ATL3: variants seen among roughly 807,000 people sequenced by gnomAD.
ATL3 encodes the protein atlastin GTPase 3, also known as atlastin-3.
ATL3 carries 49 observed loss-of-function variants against 69.5 expected under a neutral mutation model. The observed-to-expected ratio is 0.71, with a 90% CI of 0.56 to 0.89. The LOEUF (loss-of-function observed/expected upper bound fraction) is 0.89, where lower values mean the gene tolerates loss of function less well. Ranked by LOEUF, ATL3 falls within the 40% of genes least tolerant of loss-of-function variation. The pLI is 0.00. For missense variants in ATL3, 606 were observed against 645.7 expected (o/e 0.94, Z 0.67); for synonymous variants, 214 against 224.1 (o/e 0.95, Z 0.40).
chr11:63,631,461 C>T lies in ATL3; in HGVS notation c.1118G>A (p.Gly373Glu). ...GTCTGGAGACAAATAAGGTTTCTCT[C>T]CCCCACAAACCTAAAAAGAACAAAG... ...YYNNMEEVCG[G>E]EKPYLSPDIL... Residue 373 changes from glycine (G) to glutamate (E), a missense_variant, in exon 12 of 13, where the codon GGA (glycine) becomes GAA (glutamate). By Grantham distance (98) the Gly-to-Glu change is moderately conservative (BLOSUM62 -2). Coordinates refer to ENST00000398868, the MANE Select transcript of ATL3 (RefSeq NM_015459.5). 6.3e-7 allele frequency: 1 copy of T among 1,595,154 alleles called. No individual in the cohort carries two copies. Among genetic ancestry groups the T allele is most frequent in the South Asian group, 1.1e-5 (1 of 88,118 alleles).
chr11:63,639,826 A>G (rs1260976809), intron 8 of ATL3, among the ~76,000 whole-genome samples: 2 of 152,190 alleles, frequency 1.3e-5, no homozygotes, highest in Non-Finnish European at 2.9e-5. Flanking sequence ...TTTTTTTTAA[A>G]TAAATAGGAT....
intron 1 of ATL3, among the ~76,000 whole-genome samples, chr11:63,662,911 G>A (rs1215728623): frequency 1.3e-5 from 2 of 152,178 alleles, no homozygotes; most frequent in East Asian, 3.9e-4. Flanking sequence ...GACATAGTAA[G>A]TAAAGCTTAG....
rs374063230 is a variant in ATL3 at position 63,628,952 on chromosome 11, G to A, written c.*367C>T. On this transcript the variant is annotated 3_prime_UTR_variant, in exon 13 of 13. Transcript: ENST00000398868. The stretch of plus-strand genomic sequence containing the variant: ...GGTTATCCTCCATCCCCTCCCCATC[G>A]TGTGTGCAAAACCATGGAATCAATC... 2.1e-5 allele frequency: 4 copies of A among 187,564 alleles called. No homozygotes were observed. Among genetic ancestry groups the A allele is most frequent in the East Asian group, 1.3e-4 (1 of 7,836 alleles). The allele number at this position is 187,564 out of a possible 1,614,324, so 11.6% of individuals were successfully genotyped here. A position where few individuals can be genotyped will look rare whatever the true frequency, so the allele number is the denominator to read the frequency against.
chr11:63,642,851 T>G (rs1425088597), intron 8 of ATL3, among the ~76,000 whole-genome samples: 1 of 152,198 alleles, frequency 6.6e-6, no homozygotes, highest in Non-Finnish European at 1.5e-5. Flanking sequence ...ACTCAAGGCC[T>G]TAATGAAAAA....
intron 8 of ATL3, 119 bp from the exon 9 acceptor site, chr11:63,636,453 G>A: frequency 1.5e-6 from 2 of 1,376,742 alleles, no homozygotes; most frequent in South Asian, 2.7e-5. Flanking sequence ...AAAAGTGAGA[G>A]AGAAGCCGGG....
intron 1 of ATL3, 29 bp downstream of exon 1, chr11:63,671,261 G>C: frequency 6.4e-7 from 1 of 1,564,988 alleles, no homozygotes; most frequent in Non-Finnish European, 8.6e-7. Context: ...GGTGGCCGCG[G>C]GGCGATCCAG....
At chr11:63,669,585 A>G (rs1940709253) in intron 1 of ATL3, among the ~76,000 whole-genome samples, 1 of 152,094 alleles carries the variant, frequency 6.6e-6, no homozygotes, top group South Asian at 2.1e-4. Flanking sequence ...AGTACACAAC[A>G]CCACATCTAT....
chr11:63,671,192 G>C, intron 1 of ATL3, 98 bp downstream of exon 1: 14 of 1,453,894 alleles, frequency 9.6e-6, no homozygotes, highest in East Asian at 2.9e-5. Flanking sequence ...CCCGGGACGA[G>C]GAAGGGCGGC....
chr11:63,645,993 A>G (rs1419911668), intron 6 of ATL3, among the ~76,000 whole-genome samples: 1 of 151,834 alleles, frequency 6.6e-6, no homozygotes, highest in Admixed American at 6.6e-5. Context: ...CGAACTCTTG[A>G]CCTCAGGTGA....
chr11:63,667,747 G>C (rs1940619652), intron 1 of ATL3, among the ~76,000 whole-genome samples: 1 of 147,528 alleles, frequency 6.8e-6, no homozygotes, highest in African/African-American at 2.5e-5. Context: ...CTGGGTGACA[G>C]AGCGAGACTC....
intron 1 of ATL3, among the ~76,000 whole-genome samples, chr11:63,669,439 G>A (rs144861749): frequency 1.2e-4 from 18 of 152,082 alleles, no homozygotes; most frequent in Non-Finnish European, 2.6e-4. Flanking sequence ...GGAGGCTGCG[G>A]CAGGAGAATC....
intron 1 of ATL3, among the ~76,000 whole-genome samples, chr11:63,661,178 C>T (rs1044851221): frequency 6.0e-5 from 9 of 149,086 alleles, no homozygotes; most frequent in East Asian, 2.0e-4. Context: ...GCCGTGATCG[C>T]GCCACTGCAC....
In ATL3 at chr11:63,661,083, C is replaced by T. The variant is rs570161817; in HGVS notation, c.47-1831G>A. Among the ~76,000 whole-genome samples the T allele has an allele frequency of 3.3e-5, 5 of 151,400 alleles. No homozygotes were observed. In the South Asian group the frequency reaches 8.4e-4, roughly 25 times the overall value. ...CAGAAAAAAAAAAAAATTAGCCATG[C>T]GTGGTGTCGCACGCCTGTGGTCCCA... On this transcript the variant is annotated intron_variant, in intron 1 of 12. Transcript: ENST00000398868.
chr11:63,625,435 T>G lies in ATL3; in HGVS notation c.*3884A>C, dbSNP rs1939074244. ...AACCTAGCAAAAAATTAAAAACTGT[T>G]TTATTAAAGTTTTAATTTTTAAAAA... On this transcript the variant is annotated 3_prime_UTR_variant, in exon 13 of 13. Transcript: ENST00000398868. The G allele has an allele frequency of 1.3e-5, 2 of 152,204 alleles. No homozygotes were observed. Among genetic ancestry groups the G allele is most frequent in the Non-Finnish European group, 2.9e-5 (2 of 68,032 alleles). The allele number at this position is 152,204 out of a possible 1,614,324, so 9.4% of individuals were successfully genotyped here. A position where few individuals can be genotyped will look rare whatever the true frequency, so the allele number is the denominator to read the frequency against.
At chr11:63,630,962 C>T in intron 12 of ATL3, 78 bp downstream of exon 12, 1 of 1,445,560 alleles carries the variant, frequency 6.9e-7, no homozygotes, top group Non-Finnish European at 9.3e-7. Context: ...GAAATTCTTC[C>T]AAACTGAGAT....
upstream of ATL3, chr11:63,671,817 C>T: frequency 9.8e-7 from 1 of 1,023,376 alleles, no homozygotes; most frequent in South Asian, 1.8e-5. Context: ...TCGGGTCCTC[C>T]TGCGAGCTGC....
chr11:63,654,218 C>A (rs930296950), intron 3 of ATL3, among the ~76,000 whole-genome samples: 1 of 150,552 alleles, frequency 6.6e-6, no homozygotes, highest in Non-Finnish European at 1.5e-5. Context: ...GCGATCTCGG[C>A]TCACTGCAAG....
intron 3 of ATL3, among the ~76,000 whole-genome samples, chr11:63,655,793 G>A (rs1940223640): frequency 6.6e-6 from 1 of 151,996 alleles, no homozygotes; most frequent in Non-Finnish European, 1.5e-5. Context: ...GCAGCAAGAG[G>A]CACATGTAAT....
intron 10 of ATL3, among the ~76,000 whole-genome samples, chr11:63,634,086 C>T (rs1357938226): frequency 8.7e-5 from 13 of 149,856 alleles, no homozygotes; most frequent in Admixed American, 8.0e-4. Context: ...GTGGCTTACG[C>T]CTGTAATCCC....
Sources: gnomAD v4.1 joint callset for allele counts (sites outside exome capture counted in the v4.1 genomes callset) on GRCh38, gnomAD v4.1.1 for gene constraint, MANE v1.5 for transcripts, NCBI Gene and HGNC (gene_info 2026-07-23, HGNC 2026-07-21) for gene names.